Variants in E2F7 observed in about 807,000 individuals in gnomAD.
The protein encoded by E2F7 is E2F transcription factor 7.
A neutral mutation model predicts 81.1 loss-of-function variants in E2F7; 35 were observed. The observed-to-expected ratio is 0.43, with a 90% CI of 0.33 to 0.57. The LOEUF (loss-of-function observed/expected upper bound fraction) is 0.57, where lower values mean the gene tolerates loss of function less well. Among genes scored for constraint, E2F7 ranks in the 20% least tolerant of loss-of-function variants. E2F7 has a pLI of 0.04. For synonymous variants in E2F7, 416 were observed against 416.2 expected (o/e 1.00, Z 0.01); for missense variants, 961 against 1,093.7 (o/e 0.88, Z 1.71).
chr12:77,061,854 C>A (rs1437447035), intron 2 of E2F7, among the ~76,000 whole-genome samples: 1 of 152,246 alleles, frequency 6.6e-6, no homozygotes, highest in Non-Finnish European at 1.5e-5. Flanking sequence ...GCTGTTACTT[C>A]TGCCTAAAAT....
intron 2 of E2F7, among the ~76,000 whole-genome samples, chr12:77,061,650 A>G (rs774783398): frequency 6.6e-6 from 1 of 152,238 alleles, no homozygotes; most frequent in Non-Finnish European, 1.5e-5. Flanking sequence ...AAGAAGATGC[A>G]TACATAATAC....
At chr12:77,031,130 G>T (rs554498236) in intron 9 of E2F7, among the ~76,000 whole-genome samples, 1 of 152,154 alleles carries the variant, frequency 6.6e-6, no homozygotes, top group Non-Finnish European at 1.5e-5. Flanking sequence ...GGGGGGCCTA[G>T]GAGGATTGCT....
chr12:77,045,800 C>G (rs1484487013), intron 5 of E2F7: 3 of 500,874 alleles, frequency 6.0e-6, no homozygotes, highest in Non-Finnish European at 1.0e-5. Flanking sequence ...TGCTAGTGAT[C>G]TATTCTCCCA....
chr12:77,051,491 G>A (rs1954987784), intron 3 of E2F7, among the ~76,000 whole-genome samples: 1 of 151,904 alleles, frequency 6.6e-6, no homozygotes, highest in African/African-American at 2.4e-5. Flanking sequence ...CTGTCGTGGG[G>A]TGGGGGCAGG....
chr12:77,034,139 G>A (rs1954829871), intron 7 of E2F7, 97 bp from the exon 8 acceptor site: 2 of 1,020,478 alleles, frequency 2.0e-6, no homozygotes, highest in Non-Finnish European at 2.8e-6. Flanking sequence ...TAATTGTAAT[G>A]GAGCTATCAC....
At chr12:77,050,324 T>C (rs1175102375) in intron 4 of E2F7, among the ~76,000 whole-genome samples, 5 of 152,200 alleles carry the variant, frequency 3.3e-5, no homozygotes, top group Admixed American at 2.6e-4. Context: ...ATTATAAAAA[T>C]ATTACTTATT....
intron 2 of E2F7, 80 bp from the exon 3 acceptor site, chr12:77,056,210 C>G: frequency 7.2e-7 from 1 of 1,391,138 alleles, no homozygotes; most frequent in Admixed American, 2.4e-5. Context: ...CCACCATTCA[C>G]TAAGACTTGA....
chr12:77,026,088 A>C (rs1954757314), intron 11 of E2F7, 106 bp from the exon 12 acceptor site: 4 of 1,312,442 alleles, frequency 3.0e-6, no homozygotes, highest in Non-Finnish European at 4.1e-6. Context: ...ACAATAAATC[A>C]ATGAATGATG....
Position 77,023,843 on chromosome 12 carries a change from C to T in E2F7, c.*172G>A. 3.8e-6 allele frequency: 3 copies of T among 790,178 alleles called. No homozygotes were observed. The South Asian group carries it at 6.1e-5, about 16-fold the overall frequency. The allele number at this position is 790,178 out of a possible 1,614,324, so 48.9% of individuals were successfully genotyped here. ...GGAACTCTAACTGGTATTAAATGCA[C>T]AATTAATTACTTTCAGGAAATCAGA... On this transcript the variant is annotated 3_prime_UTR_variant, in exon 13 of 13. Coordinates refer to ENST00000322886, the MANE Select transcript of E2F7 (RefSeq NM_203394.3).
intron 2 of E2F7, 82 bp from the exon 3 acceptor site, chr12:77,056,212 A>T: frequency 1.5e-6 from 2 of 1,365,906 alleles, no homozygotes; most frequent in Non-Finnish European, 2.0e-6. Flanking sequence ...ACCATTCACT[A>T]AGACTTGAAA....
intron 10 of E2F7, among the ~76,000 whole-genome samples, 191 bp from the exon 11 acceptor site, chr12:77,028,329 A>G (rs1378670998): frequency 1.3e-5 from 2 of 151,832 alleles, no homozygotes; most frequent in Non-Finnish European, 2.9e-5. Flanking sequence ...AGTAGCTGGG[A>G]TTACAGGGGC....
chr12:77,062,732 C>T (rs1311531397), intron 2 of E2F7, among the ~76,000 whole-genome samples: 1 of 152,106 alleles, frequency 6.6e-6, no homozygotes, highest in African/African-American at 2.4e-5. Context: ...AAAGCACTGA[C>T]TTAGACGTTA....
chr12:77,029,694 A>G lies in E2F7; in HGVS notation c.1884+137T>C, dbSNP rs567208746. The G allele has an allele frequency of 2.2e-6, 3 of 1,387,512 alleles. No homozygotes were observed. In the African/African-American group the frequency reaches 4.3e-5, roughly 20 times the overall value. The allele number at this position is 1,387,512 out of a possible 1,614,324, so 86.0% of individuals were successfully genotyped here. On this transcript the variant is annotated intron_variant, in intron 10 of 12. Coordinates refer to ENST00000322886, the MANE Select transcript of E2F7 (RefSeq NM_203394.3). ...GCAAGATTTTTGGCAGAGCCACTCC[A>G]GTGCTTAATTATGCAAGTGACATGA... is the stretch of plus-strand genomic sequence containing the variant.
At chr12:77,054,160 A>G (rs1366648148) in intron 3 of E2F7, among the ~76,000 whole-genome samples, 2 of 152,032 alleles carry the variant, frequency 1.3e-5, no homozygotes, top group African/African-American at 4.8e-5. Context: ...TTATCTGTAC[A>G]CCAAACACTC....
intron 5 of E2F7, chr12:77,045,563 G>A (rs946528318): frequency 1.9e-5 from 3 of 154,626 alleles, no homozygotes; most frequent in South Asian, 4.0e-4. Flanking sequence ...AATATGAATC[G>A]GGAAGAACGA....
At chr12:77,049,024 A>G (rs1368502737) in intron 4 of E2F7, among the ~76,000 whole-genome samples, 1 of 152,204 alleles carries the variant, frequency 6.6e-6, no homozygotes, top group Non-Finnish European at 1.5e-5. Context: ...CTGGACCCAA[A>G]AGCCCTCAAC....
In E2F7 at chr12:77,033,863, C is replaced by T. The variant is rs777004214; in HGVS notation, c.1303G>A (p.Glu435Lys). The change falls in exon 8 of 13, where the codon GAA becomes AAA. Residue 435 changes from glutamate (E) to lysine (K), a missense_variant. Glu to Lys is a moderately conservative substitution (Grantham distance 56, BLOSUM62 1). This residue lies in a region of E2F7 where 587 missense variants were observed against 620.3 expected (regional missense o/e 0.95). Transcript: ENST00000322886. ...NSEPSSPYRE[E>K]QGSGGYSLEI... is the part of the protein sequence containing the mutation. ...ATTATGCAAGGGCAGATACCTTGTT[C>T]TTCTCTGTACGGGCTGCTCGGTTCT... 4 of 1,602,550 alleles carry T rather than the reference C, an allele frequency of 2.5e-6. No homozygotes were observed. Among genetic ancestry groups the T allele is most frequent in the South Asian group, 1.1e-5 (1 of 89,004 alleles).
chr12:77,053,285 T>C (rs949400889), intron 3 of E2F7, among the ~76,000 whole-genome samples: 3 of 152,204 alleles, frequency 2.0e-5, no homozygotes, highest in Non-Finnish European at 4.4e-5. Flanking sequence ...GAAATTAAAA[T>C]TGAGGCAGTT....
At chr12:77,065,124 A>G (rs1455334390) in intron 1 of E2F7, among the ~76,000 whole-genome samples, 1 of 152,182 alleles carries the variant, frequency 6.6e-6, no homozygotes, top group Admixed American at 6.5e-5. Context: ...AACTTCTCCA[A>G]TGAAAGCTCC....
Sources: allele counts gnomAD v4.1 joint callset (sites outside exome capture counted in the v4.1 genomes callset), GRCh38; gene constraint gnomAD v4.1.1; regional missense constraint gnomAD v4.1.1; transcripts MANE v1.5; gene names NCBI Gene and HGNC (gene_info 2026-07-23, HGNC 2026-07-21).